ADGRL2: variants seen among roughly 807,000 people sequenced by gnomAD.
ADGRL2 encodes the protein adhesion G protein-coupled receptor L2, also known as calcium-independent alpha-latrotoxin receptor 2.
A neutral mutation model predicts 157.4 loss-of-function variants in ADGRL2; 44 were observed. The observed-to-expected ratio is 0.28, with a 90% CI of 0.22 to 0.36. The LOEUF is 0.36. ADGRL2 is among the 10% of genes least tolerant of loss of function. ADGRL2 has a pLI of 1.00. For synonymous variants in ADGRL2, 585 were observed against 624.7 expected (o/e 0.94, Z 0.95); for missense variants, 1,510 against 1,768.9 (o/e 0.85, Z 2.63).
At chr1:81,931,529 A>G (rs951919968) in intron 3 of ADGRL2, among the ~76,000 whole-genome samples, 24 of 152,196 alleles carry the variant, frequency 1.6e-4, no homozygotes, top group African/African-American at 5.5e-4. Context: ...TGTATGCCAA[A>G]TTTGAAAATT....
intron 2 of ADGRL2, among the ~76,000 whole-genome samples, chr1:81,794,965 A>G (rs952056525): frequency 4.6e-5 from 7 of 152,250 alleles, no homozygotes; most frequent in Admixed American, 2.6e-4. Context: ...GGAGTAAAAG[A>G]TCATAGTTAT....
chr1:81,542,692 A>C (rs1184541587), intron 2 of ADGRL2, among the ~76,000 whole-genome samples: 1 of 152,356 alleles, frequency 6.6e-6, no homozygotes, highest in Non-Finnish European at 1.5e-5. Flanking sequence ...TATTTTGATT[A>C]TCAATTCAAT....
intron 17 of ADGRL2, 103 bp from the exon 18 acceptor site, chr1:81,979,766 A>G (rs1661145661): frequency 1.5e-6 from 1 of 653,952 alleles, no homozygotes; most frequent in South Asian, 2.0e-5. Context: ...AAAAAAAATT[A>G]TATCAGTATC....
At chr1:81,877,392 A>G (rs2093868923) in intron 2 of ADGRL2, among the ~76,000 whole-genome samples, 2 of 152,130 alleles carry the variant, frequency 1.3e-5, no homozygotes, top group Admixed American at 6.5e-5. Context: ...TATTACTATT[A>G]GGATTAAAGT....
intron 15 of ADGRL2, among the ~76,000 whole-genome samples, 187 bp downstream of exon 15, chr1:81,969,574 C>G (rs998516390): frequency 1.3e-5 from 2 of 152,056 alleles, no homozygotes; most frequent in Non-Finnish European, 2.9e-5. Context: ...TGAACTAATT[C>G]ATTTTATATA....
chr1:81,886,832 C>T (rs958946443), intron 2 of ADGRL2, among the ~76,000 whole-genome samples: 5 of 152,058 alleles, frequency 3.3e-5, no homozygotes, highest in African/African-American at 1.2e-4. Flanking sequence ...AGCTCGTTTA[C>T]ATTCTTTCTG....
chr1:81,728,390 C>A (rs1557601386), intron 1 of ADGRL2, among the ~76,000 whole-genome samples: 1 of 152,174 alleles, frequency 6.6e-6, no homozygotes, highest in Non-Finnish European at 1.5e-5. Flanking sequence ...TACCTCATAA[C>A]ATATTAACAT....
At chr1:81,795,899 A>G (rs905936769), upstream of ADGRL2, among the ~76,000 whole-genome samples, 13 of 152,252 alleles carry the variant, frequency 8.5e-5, no homozygotes, top group Non-Finnish European at 1.9e-4. Flanking sequence ...TTTTAAAGAA[A>G]GTTTAAATAA....
intron 2 of ADGRL2, among the ~76,000 whole-genome samples, chr1:81,840,909 G>A (rs2092550411): frequency 1.3e-5 from 2 of 151,896 alleles, no homozygotes; most frequent in Non-Finnish European, 2.9e-5. Context: ...GATTCTTTTG[G>A]CCAGTTTTTA....
chr1:81,480,905 C>T (rs937195197), intron 2 of ADGRL2, among the ~76,000 whole-genome samples: 1 of 152,136 alleles, frequency 6.6e-6, no homozygotes, highest in Non-Finnish European at 1.5e-5. Context: ...CAACTTAAAT[C>T]TTACAGTTAT....
chr1:81,558,166 A>G (rs1315816294), intron 2 of ADGRL2, among the ~76,000 whole-genome samples: 1 of 152,232 alleles, frequency 6.6e-6, no homozygotes, highest in Non-Finnish European at 1.5e-5. Flanking sequence ...TGTGCAAAGT[A>G]GAAGTAAATA....
chr1:81,472,345 G>C (rs1034057752), intron 2 of ADGRL2, among the ~76,000 whole-genome samples: 1 of 152,174 alleles, frequency 6.6e-6, no homozygotes, highest in Non-Finnish European at 1.5e-5. Context: ...TTGCATTTAG[G>C]CCGTGCACCA....
intron 3 of ADGRL2, among the ~76,000 whole-genome samples, chr1:81,650,403 A>G (rs890097517): frequency 2.6e-5 from 4 of 151,538 alleles, no homozygotes; most frequent in African/African-American, 9.7e-5. Context: ...AAAAAACCCC[A>G]TCTCTACTAA....
At chr1:81,775,556 T>C (rs1471109889) in intron 2 of ADGRL2, among the ~76,000 whole-genome samples, 1 of 151,712 alleles carries the variant, frequency 6.6e-6, no homozygotes, top group Non-Finnish European at 1.5e-5. Flanking sequence ...TTGTGGAGCA[T>C]TCAGCTTGGG....
chr1:81,383,776 A>G (rs970043003), intron 1 of ADGRL2, among the ~76,000 whole-genome samples: 3 of 147,078 alleles, frequency 2.0e-5, no homozygotes, highest in South Asian at 2.2e-4. Context: ...CATCCTGGCT[A>G]ACACGGTGAA....
At chr1:81,655,520 T>A (rs1018400345) in intron 3 of ADGRL2, among the ~76,000 whole-genome samples, 1 of 152,208 alleles carries the variant, frequency 6.6e-6, no homozygotes, top group African/African-American at 2.4e-5. Flanking sequence ...ACACGCGTCC[T>A]CAAAGTTCCA....
At chr1:81,798,484 T>C (rs1324214373), upstream of ADGRL2, among the ~76,000 whole-genome samples, 1 of 152,078 alleles carries the variant, frequency 6.6e-6, no homozygotes, top group Admixed American at 6.5e-5. Context: ...GTCTATTATA[T>C]TTTTAGGAGA....
chr1:81,399,992 G>A (rs886827354), intron 1 of ADGRL2, among the ~76,000 whole-genome samples: 14 of 151,484 alleles, frequency 9.2e-5, no homozygotes, highest in African/African-American at 3.4e-4. Flanking sequence ...GGTTGGGAAA[G>A]GTGTAGTGAC....
At chr1:81,432,940 C>A (rs2077347895) in intron 1 of ADGRL2, among the ~76,000 whole-genome samples, 1 of 152,054 alleles carries the variant, frequency 6.6e-6, no homozygotes, top group African/African-American at 2.4e-5. Flanking sequence ...ACTGTAAATA[C>A]CCTGAGGAAA....
Sources: gnomAD v4.1 joint callset for allele counts (sites outside exome capture counted in the v4.1 genomes callset) on GRCh38, gnomAD v4.1.1 for gene constraint, MANE v1.5 for transcripts, NCBI Gene and HGNC (gene_info 2026-07-23, HGNC 2026-07-21) for gene names.